NALCN: variants seen among roughly 807,000 people sequenced by gnomAD.
NALCN encodes sodium leak channel NALCN.
A neutral mutation model predicts 225.3 loss-of-function variants in NALCN; 111 were observed. The ratio of observed to expected loss-of-function variants is 0.49; its 90% CI spans 0.42 to 0.58. The LOEUF (loss-of-function observed/expected upper bound fraction) is 0.58. Among genes scored for constraint, NALCN ranks in the 20% least tolerant of loss-of-function variants. The probability of loss-of-function intolerance (pLI) is 0.00; values close to 1 mark genes in which losing one functional copy is unlikely to be tolerated. For missense variants in NALCN, 1,378 were observed against 2,202.4 expected (o/e 0.63, Z 7.49); for synonymous variants, 764 against 769.0 (o/e 0.99, Z 0.11).
intron 9 of NALCN, among the ~76,000 whole-genome samples, chr13:101,290,873 T>G (rs2043527175): frequency 6.6e-6 from 1 of 152,214 alleles, no homozygotes; most frequent in African/African-American, 2.4e-5. Context: ...TTACAAGGCA[T>G]TATATCATTT....
chr13:101,057,916 G>A, intron 43 of NALCN, 23 bp downstream of exon 43: 1 of 1,572,440 alleles, frequency 6.4e-7, no homozygotes, highest in Non-Finnish European at 8.8e-7. Flanking sequence ...TCGATCGCTG[G>A]AGAAATGCCT....
At chr13:101,271,899 G>GTC (rs72076813) in intron 10 of NALCN, among the ~76,000 whole-genome samples, 67,022 of 151,030 alleles carry the variant, frequency 0.44, 15,801 homozygotes, top group East Asian at 0.73. Context: ...GCATATGTGT[G>GTC]TGCGTGTGAT....
At chr13:101,236,760 G>T (rs1256932498) in intron 12 of NALCN, among the ~76,000 whole-genome samples, 1 of 122,050 alleles carries the variant, frequency 8.2e-6, no homozygotes, top group Non-Finnish European at 1.6e-5. Flanking sequence ...TCTGGGGCCT[G>T]TTGTGGGGTG....
At chr13:101,136,171 A>G (rs1046320738) in intron 17 of NALCN, among the ~76,000 whole-genome samples, 3 of 152,220 alleles carry the variant, frequency 2.0e-5, no homozygotes, top group African/African-American at 7.2e-5. Context: ...ATGGTCCTCA[A>G]AAATGATTGT....
chr13:101,367,758 T>C (rs372591804), intron 6 of NALCN, among the ~76,000 whole-genome samples: 12 of 152,212 alleles, frequency 7.9e-5, no homozygotes, highest in Admixed American at 4.6e-4. Context: ...ATCATAAATA[T>C]AGATGTGAAA....
intron 1 of NALCN, among the ~76,000 whole-genome samples, chr13:101,403,145 A>G (rs1313935584): frequency 1.3e-5 from 2 of 151,882 alleles, no homozygotes; most frequent in Non-Finnish European, 2.9e-5. Context: ...TCATTCACTC[A>G]CTCATTTGTT....
intron 15 of NALCN, among the ~76,000 whole-genome samples, chr13:101,163,051 G>A (rs1217088859): frequency 3.9e-5 from 6 of 152,066 alleles, no homozygotes; most frequent in African/African-American, 7.2e-5. Context: ...ACAGGCGCCC[G>A]CCACTACGCC....
At chr13:101,121,822 T>C (rs1392119280) in intron 18 of NALCN, among the ~76,000 whole-genome samples, 1 of 152,098 alleles carries the variant, frequency 6.6e-6, no homozygotes, top group Non-Finnish European at 1.5e-5. Flanking sequence ...ACAGCAAGGT[T>C]GGAGCCTAGG....
chr13:101,402,081 T>C (rs2139520281), intron 1 of NALCN, among the ~76,000 whole-genome samples: 1 of 152,336 alleles, frequency 6.6e-6, no homozygotes, highest in Admixed American at 6.5e-5. Context: ...TTAAGTATCC[T>C]AGGTAAGTTT....
chr13:101,169,719 G>T (rs2139907085), intron 15 of NALCN, among the ~76,000 whole-genome samples: 1 of 152,288 alleles, frequency 6.6e-6, no homozygotes, highest in African/African-American at 2.4e-5. Context: ...CAGCCTTTGT[G>T]GCTCTGACCC....
intron 1 of NALCN, among the ~76,000 whole-genome samples, chr13:101,409,355 A>T (rs1026833080): frequency 6.6e-6 from 1 of 152,164 alleles, no homozygotes; most frequent in Non-Finnish European, 1.5e-5. Flanking sequence ...TTCACTATAA[A>T]ATGTTAACTA....
intron 7 of NALCN, among the ~76,000 whole-genome samples, chr13:101,296,096 C>T (rs61973668): frequency 0.014 from 2,128 of 152,256 alleles, 32 homozygotes; most frequent in Middle Eastern, 0.041. Context: ...CCCTCAGCTA[C>T]ACTAGGCAAT....
chr13:101,303,337 A>C (rs569016236), intron 7 of NALCN, among the ~76,000 whole-genome samples: 48 of 152,324 alleles, frequency 3.2e-4, no homozygotes, highest in African/African-American at 1.1e-3. Flanking sequence ...CTGCCTGGTC[A>C]CAATTTGGCT....
At chr13:101,127,493 G>C (rs1488654449) in intron 17 of NALCN, among the ~76,000 whole-genome samples, 1 of 152,088 alleles carries the variant, frequency 6.6e-6, no homozygotes, top group Non-Finnish European at 1.5e-5. Flanking sequence ...CTAGTAGCTG[G>C]GATTACAGGC....
At chr13:101,071,915 G>T (rs908113650) in intron 37 of NALCN, among the ~76,000 whole-genome samples, 1 of 152,162 alleles carries the variant, frequency 6.6e-6, no homozygotes, top group African/African-American at 2.4e-5. Flanking sequence ...CCATTGTAGG[G>T]TTGTGAATCG....
At chr13:101,345,739 T>A (rs1231515132) in intron 6 of NALCN, among the ~76,000 whole-genome samples, 3 of 26,438 alleles carry the variant, frequency 1.1e-4, no homozygotes, top group South Asian at 2.2e-3. Context: ...GCAAAGAGAA[T>A]ATATATATAT....
intron 27 of NALCN, among the ~76,000 whole-genome samples, chr13:101,097,487 A>C (rs1030355963): frequency 6.6e-6 from 1 of 152,050 alleles, no homozygotes; most frequent in East Asian, 1.9e-4. Context: ...ACCTGAGCCC[A>C]CCTTTGATTG....
intron 7 of NALCN, among the ~76,000 whole-genome samples, chr13:101,342,385 C>T (rs920036693): frequency 1.3e-5 from 2 of 152,128 alleles, no homozygotes; most frequent in Non-Finnish European, 2.9e-5. Context: ...TTCTAGCCAA[C>T]CCAGATCAGC....
intron 6 of NALCN, among the ~76,000 whole-genome samples, chr13:101,360,976 T>A (rs990773693): frequency 6.6e-6 from 1 of 152,178 alleles, no homozygotes; most frequent in Non-Finnish European, 1.5e-5. Flanking sequence ...CTATAACATA[T>A]CTTTTGGAGT....
Sources: allele counts gnomAD v4.1 joint callset (sites outside exome capture counted in the v4.1 genomes callset), GRCh38; gene constraint gnomAD v4.1.1; transcripts MANE v1.5; gene names NCBI Gene and HGNC (gene_info 2026-07-23, HGNC 2026-07-21).